SRPK2: variants seen among roughly 807,000 people sequenced by gnomAD.
SRPK2 encodes SRSF protein kinase 2.
SRPK2 carries 21 observed loss-of-function variants against 90.8 expected under a neutral mutation model. That is an observed-to-expected ratio of 0.23 (90% CI 0.16 to 0.33). SRPK2 has a LOEUF of 0.33. Ranked by LOEUF, SRPK2 falls within the 10% of genes least tolerant of loss-of-function variation. SRPK2 has a pLI of 1.00. For synonymous variants in SRPK2, 288 were observed against 311.1 expected (o/e 0.93, Z 0.78); for missense variants, 620 against 869.0 (o/e 0.71, Z 3.60).
At chr7:105,120,803 A>G (rs1475530593) in intron 15 of SRPK2, among the ~76,000 whole-genome samples, 1 of 152,210 alleles carries the variant, frequency 6.6e-6, no homozygotes, top group East Asian at 1.9e-4. Flanking sequence ...AATAGTTGAT[A>G]AGGTTACTTA....
At chr7:105,229,206 G>GT (rs1327190980) in intron 2 of SRPK2, among the ~76,000 whole-genome samples, 2 of 152,314 alleles carry the variant, frequency 1.3e-5, no homozygotes, top group East Asian at 3.9e-4. Context: ...GCTCACGCCC[G>GT]TAATACCAGC....
intron 2 of SRPK2, among the ~76,000 whole-genome samples, chr7:105,208,960 A>G (rs916875136): frequency 1.7e-4 from 26 of 151,416 alleles, no homozygotes; most frequent in African/African-American, 4.9e-5. Context: ...CATCTCTACA[A>G]AAACAACAAT....
intron 2 of SRPK2, among the ~76,000 whole-genome samples, chr7:105,213,137 T>C (rs1259586700): frequency 2.0e-5 from 3 of 152,204 alleles, no homozygotes; most frequent in African/African-American, 7.2e-5. Context: ...CTAATTCATT[T>C]GCTAGAAGTG....
Position 105,180,080 on chromosome 7 carries a change from T to TA in SRPK2, c.230-10816dup, listed in dbSNP as rs1792567233. Reference sequence around the variant, plus strand: ...ATTCTTCACAGAATTAGAAAGATCTTAAAGTCCATAAGGAACCAAAAAAGC... The same window carrying TA: ...ATTCTTCACAGAATTAGAAAGATCTTAAAAGTCCATAAGGAACCAAAAAAGC... On this transcript the variant is annotated intron_variant, in intron 3 of 15. Transcript: ENST00000393651. Among the ~76,000 whole-genome samples the TA allele has an allele frequency of 2.6e-5, 4 of 152,094 alleles. No individual in the cohort carries two copies. The South Asian group carries it at 8.3e-4, about 32-fold the overall frequency.
intron 2 of SRPK2, chr7:105,268,703 C>T (rs1805424986): frequency 7.5e-7 from 1 of 1,333,780 alleles, no homozygotes; most frequent in Non-Finnish European, 1.0e-6. Context: ...GCATGCAGGA[C>T]AATACGTTAT....
chr7:105,208,128 A>C (rs1323776193), intron 2 of SRPK2, among the ~76,000 whole-genome samples: 1 of 152,240 alleles, frequency 6.6e-6, no homozygotes, highest in Non-Finnish European at 1.5e-5. Flanking sequence ...ATGGCTATTA[A>C]AAGAAGTCAG....
chr7:105,276,081 TA>T (rs1317641382), intron 2 of SRPK2, among the ~76,000 whole-genome samples: 8 of 133,304 alleles, frequency 6.0e-5, no homozygotes, highest in Admixed American at 2.3e-4. Flanking sequence ...AGGATATATA[TA>T]TATTTTTTTT....
At chr7:105,183,524 T>C (rs1793162646) in intron 3 of SRPK2, among the ~76,000 whole-genome samples, 2 of 152,218 alleles carry the variant, frequency 1.3e-5, no homozygotes, top group South Asian at 4.1e-4. Flanking sequence ...TCTCACTCTG[T>C]TGCCCAGGCT....
In SRPK2 at chr7:105,396,957, T is replaced by C. The variant is rs575298263; in HGVS notation, n.153+2199A>G. 1.2e-4 allele frequency among the ~76,000 whole-genome samples: 18 copies of C among 152,262 alleles called. No homozygotes were observed. The South Asian group carries it at 2.7e-3, about 23-fold the overall frequency. Reference sequence around the variant, plus strand: ...GTATTTCTTCAGAAATGCAGCACAATGTAGAGTGACATTTTATTTTTTTAT... The same window carrying C: ...GTATTTCTTCAGAAATGCAGCACAACGTAGAGTGACATTTTATTTTTTTAT... On this transcript the variant is annotated intron_variant and non_coding_transcript_variant, in intron 1 of 3. Coordinates refer to the SRPK2 transcript ENST00000462282.
chr7:105,376,882 T>TACACACAC (rs34080086), intron 2 of SRPK2, among the ~76,000 whole-genome samples: 32 of 121,042 alleles, frequency 2.6e-4, no homozygotes, highest in South Asian at 8.8e-4. Flanking sequence ...TTTTCTCCTT[T>TACACACAC]ACACACACAC....
intron 2 of SRPK2, among the ~76,000 whole-genome samples, chr7:105,280,739 A>G (rs1173926278): frequency 6.6e-6 from 1 of 150,848 alleles, no homozygotes; most frequent in Non-Finnish European, 1.5e-5. Flanking sequence ...CGAGGTCAGG[A>G]GATCAAGACC....
At chr7:105,198,943 T>A (rs1242419423) in intron 3 of SRPK2, among the ~76,000 whole-genome samples, 2 of 152,118 alleles carry the variant, frequency 1.3e-5, no homozygotes, top group East Asian at 3.8e-4. Context: ...AGATCTAAGA[T>A]AACGCGAGTA....
At chr7:105,332,250 G>A (rs1181839979) in intron 2 of SRPK2, among the ~76,000 whole-genome samples, 1 of 152,140 alleles carries the variant, frequency 6.6e-6, no homozygotes. Flanking sequence ...AGGGGATGAA[G>A]CAAAACAAGT....
intron 2 of SRPK2, among the ~76,000 whole-genome samples, chr7:105,248,509 T>A (rs1284291568): frequency 6.6e-6 from 1 of 150,730 alleles, no homozygotes; most frequent in African/African-American, 2.4e-5. Flanking sequence ...GAGGCTGTTG[T>A]GGGAGAATCA....
At chr7:105,164,748 C>T (rs1472837781) in intron 6 of SRPK2, among the ~76,000 whole-genome samples, 1 of 152,172 alleles carries the variant, frequency 6.6e-6, no homozygotes, top group Non-Finnish European at 1.5e-5. Flanking sequence ...TTGATCATGA[C>T]TTAGTAGATG....
intron 2 of SRPK2, among the ~76,000 whole-genome samples, chr7:105,227,771 T>C (rs1798887834): frequency 6.6e-6 from 1 of 151,736 alleles, no homozygotes; most frequent in Admixed American, 6.6e-5. Context: ...CTCAAAAACA[T>C]GTACATGAAT....
intron 2 of SRPK2, among the ~76,000 whole-genome samples, chr7:105,301,349 G>A (rs1242487956): frequency 6.6e-6 from 1 of 151,702 alleles, no homozygotes; most frequent in Non-Finnish European, 1.5e-5. Context: ...TGGCAGCTGG[G>A]CGCTGCCGAG....
At chr7:105,284,741 T>C (rs1322164837) in intron 2 of SRPK2, among the ~76,000 whole-genome samples, 1 of 152,154 alleles carries the variant, frequency 6.6e-6, no homozygotes, top group Non-Finnish European at 1.5e-5. Flanking sequence ...CCCTTATTTC[T>C]ACAAAAATAT....
chr7:105,115,928 G>C (rs959650231), downstream of SRPK2, among the ~76,000 whole-genome samples: 1 of 152,032 alleles, frequency 6.6e-6, no homozygotes. Context: ...ATCTATCACA[G>C]AATTTACATG....
Sources: gnomAD v4.1 joint callset for allele counts (sites outside exome capture counted in the v4.1 genomes callset) on GRCh38, gnomAD v4.1.1 for gene constraint, MANE v1.5 for transcripts, NCBI Gene and HGNC (gene_info 2026-07-23, HGNC 2026-07-21) for gene names.